The following NLGN4Y variants were observed in gnomAD, a reference collection of about 807,000 sequenced individuals.
The protein encoded by NLGN4Y is neuroligin 4 Y-linked, also known as neuroligin-4, Y-linked.
Under a neutral mutation model 8.4 loss-of-function variants are expected in NLGN4Y, and 4 were observed. The ratio of observed to expected loss-of-function variants is 0.48; its 90% confidence interval spans 0.23 to 1.09. The LOEUF (loss-of-function observed/expected upper bound fraction) is 1.09. Among genes scored for constraint, NLGN4Y ranks in the 50% least tolerant of loss-of-function variants. The pLI is 0.19. For missense variants in NLGN4Y, 90 were observed against 192.3 expected, an observed-to-expected ratio of 0.47 and a Z score of 3.15; for synonymous variants, 35 against 75.6, an observed-to-expected ratio of 0.46 and a Z score of 2.78.
chrY:14,757,717 C>T, intron 4 of NLGN4Y, among the ~76,000 whole-genome samples: 1 of 33,784 alleles, frequency 3.0e-5, no homozygotes, highest in Non-Finnish European at 7.3e-5. Flanking sequence ...AGTGGGACTA[C>T]AGGTGCACAC....
At chrY:14,523,528 A>G, upstream of NLGN4Y, 1 of 118,350 alleles carries the variant, frequency 8.4e-6, no homozygotes. Context: ...AGGAGGGAAA[A>G]GGCCAGGGCT....
intron 4 of NLGN4Y, among the ~76,000 whole-genome samples, chrY:14,767,939 G>C (rs1603503734): frequency 3.0e-5 from 1 of 33,564 alleles, no homozygotes; most frequent in Non-Finnish European, 7.4e-5. Context: ...ATTACCTGAT[G>C]CTGACTGAAA....
chrY:14,571,214 A>G (rs905022124), intron 1 of NLGN4Y, among the ~76,000 whole-genome samples: 14 of 33,450 alleles, frequency 4.2e-4, no homozygotes, highest in Non-Finnish European at 8.8e-4. Flanking sequence ...AGTACCACCA[A>G]CAGTGCAAAA....
At chrY:14,748,633 G>A in intron 4 of NLGN4Y, 4 of 182,627 alleles carry the variant, frequency 2.2e-5, no homozygotes, top group Non-Finnish European at 4.2e-5. Context: ...AAACACCCTG[G>A]CTCATGGAAA....
At chrY:14,687,185 T>C (rs2080793976) in intron 2 of NLGN4Y, among the ~76,000 whole-genome samples, 1 of 32,828 alleles carries the variant, frequency 3.0e-5, no homozygotes, top group Non-Finnish European at 7.5e-5. Flanking sequence ...GAAGTTGCAG[T>C]ACTTTAAGTA....
intron 4 of NLGN4Y, among the ~76,000 whole-genome samples, chrY:14,765,890 G>A: frequency 3.0e-5 from 1 of 32,899 alleles, no homozygotes; most frequent in Non-Finnish European, 7.5e-5. Flanking sequence ...TGGCTGTGTT[G>A]ACTTTTAAGG....
chrY:14,686,156 G>T (rs2080790393), intron 2 of NLGN4Y, among the ~76,000 whole-genome samples: 1 of 33,103 alleles, frequency 3.0e-5, no homozygotes. Flanking sequence ...TGAGCTGAGG[G>T]TCTTGTCTAT....
At chrY:14,725,148 T>A in intron 4 of NLGN4Y, among the ~76,000 whole-genome samples, 1 of 33,553 alleles carries the variant, frequency 3.0e-5, no homozygotes, top group Non-Finnish European at 7.4e-5. Flanking sequence ...TATGTATGTG[T>A]GAATATAGGT....
At chrY:14,549,965 G>A in intron 1 of NLGN4Y, among the ~76,000 whole-genome samples, 1 of 33,827 alleles carries the variant, frequency 3.0e-5, no homozygotes, top group Admixed American at 2.6e-4. Flanking sequence ...CTTCCTGCCT[G>A]TGGGGCTCCA....
chrY:14,632,134 G>T (rs2080551244), intron 2 of NLGN4Y, among the ~76,000 whole-genome samples: 1 of 34,019 alleles, frequency 2.9e-5, no homozygotes, highest in Admixed American at 2.7e-4. Context: ...CATGTGCATA[G>T]TGGGTCTGGT....
chrY:14,666,292 G>T, intron 2 of NLGN4Y, among the ~76,000 whole-genome samples: 1 of 32,744 alleles, frequency 3.1e-5, no homozygotes, highest in Non-Finnish European at 7.5e-5. Context: ...TGCCCAGACT[G>T]GTGTCAAATG....
At chrY:14,810,460 T>C in intron 4 of NLGN4Y, among the ~76,000 whole-genome samples, 1 of 31,191 alleles carries the variant, frequency 3.2e-5, no homozygotes, top group Admixed American at 3.0e-4. Flanking sequence ...ATTTGGGACA[T>C]AGAGGTTACA....
rs769722889 is a variant in NLGN4Y at position 14,574,689 on chromosome Y, C to T, written c.-111-47320C>T. Among the ~76,000 whole-genome samples the T allele has an allele frequency of 1.8e-4, 6 of 33,405 alleles. No homozygotes were observed. The East Asian group carries it at 3.9e-3, about 22-fold the overall frequency. 89.6% of individuals were successfully genotyped at this position (33,405 alleles called of 37,273 possible). ...TGATGCAGTTTCTTCGTATCCTTGA[C>T]GGTCTTTACAATTTGGCATGTTTTT... On this transcript the variant is annotated intron_variant, in intron 1 of 6. Coordinates refer to ENST00000684976, the MANE Select transcript of NLGN4Y (RefSeq NM_001365588.1).
chrY:14,565,330 C>T (rs113133563), intron 1 of NLGN4Y, among the ~76,000 whole-genome samples: 2,198 of 31,237 alleles, frequency 0.07, no homozygotes, highest in Non-Finnish European at 0.11. Context: ...ACATAAACGA[C>T]ATGATGGAGC....
intron 1 of NLGN4Y, among the ~76,000 whole-genome samples, chrY:14,534,683 C>T (rs2080124850): frequency 6.2e-5 from 2 of 32,307 alleles, no homozygotes; most frequent in Non-Finnish European, 1.5e-4. Context: ...CCTATATTAA[C>T]GATAGGCTAA....
upstream of NLGN4Y, chrY:14,524,233 C>T: frequency 1.4e-5 from 1 of 69,431 alleles, no homozygotes; most frequent in Non-Finnish European, 3.1e-5. Flanking sequence ...CACCCCTTCT[C>T]CCATCGGGGG....
At chrY:14,734,665 AAT>A (rs2080986922) in intron 4 of NLGN4Y, among the ~76,000 whole-genome samples, 1 of 33,508 alleles carries the variant, frequency 3.0e-5, no homozygotes, top group Non-Finnish European at 7.4e-5. Context: ...AGTCCCTAGT[AAT>A]TATTTCCAAG....
chrY:14,715,042 C>G, intron 2 of NLGN4Y, among the ~76,000 whole-genome samples: 1 of 34,008 alleles, frequency 2.9e-5, no homozygotes, highest in African/African-American at 1.1e-4. Flanking sequence ...CATCAGTGGT[C>G]ATTACAGAAA....
chrY:14,638,806 A>G (rs776536023), intron 2 of NLGN4Y, among the ~76,000 whole-genome samples: 1 of 33,912 alleles, frequency 2.9e-5, no homozygotes, highest in East Asian at 7.8e-4. Context: ...AAAAACTTTG[A>G]CAGACCACAT....
Sources: allele counts gnomAD v4.1 joint callset (sites outside exome capture counted in the v4.1 genomes callset), GRCh38; gene constraint gnomAD v4.1.1; transcripts MANE v1.5; gene names NCBI Gene and HGNC (gene_info 2026-07-23, HGNC 2026-07-21).